Variants in SMIM14 observed in about 807,000 individuals in gnomAD.
The protein encoded by SMIM14 is chromosome 4 open reading frame 34.
A neutral mutation model predicts 12.6 loss-of-function variants in SMIM14; 5 were observed. The observed-to-expected ratio is 0.40, with a 90% CI of 0.21 to 0.83. SMIM14 has a LOEUF of 0.83. Ranked by LOEUF, SMIM14 falls within the 40% of genes least tolerant of loss-of-function variation. The pLI is 0.37. For synonymous variants in SMIM14, 30 were observed against 40.1 expected (o/e 0.75, Z 0.95); for missense variants, 86 against 119.1 (o/e 0.72, Z 1.29).
Position 39,551,257 on chromosome 4 carries a change from C to T in SMIM14, c.*869G>A, listed in dbSNP as rs1711687877. 2.6e-5 allele frequency: 4 copies of T among 152,246 alleles called. No individual in the cohort carries two copies. Among genetic ancestry groups the T allele is most frequent in the Admixed American group, 2.6e-4 (4 of 15,258 alleles). The allele number at this position is 152,246 out of a possible 1,614,324, so 9.4% of individuals were successfully genotyped here. ...AACTGTTAGAACAGAAAAGAAGCTT[C>T]CCAAGAGGCACTCATTTTAAAAATA... is the stretch of plus-strand genomic sequence containing the variant. On this transcript the variant is annotated 3_prime_UTR_variant, in exon 5 of 5. Transcript: ENST00000295958.
chr4:39,636,415 T>A (rs1024401298), intron 1 of SMIM14, among the ~76,000 whole-genome samples: 1 of 152,206 alleles, frequency 6.6e-6, no homozygotes, highest in African/African-American at 2.4e-5. Flanking sequence ...TGCCACACAA[T>A]GCATATTAAT....
chr4:39,595,755 C>T (rs1399690718), intron 2 of SMIM14, among the ~76,000 whole-genome samples: 2 of 151,156 alleles, frequency 1.3e-5, no homozygotes, highest in Admixed American at 6.6e-5. Flanking sequence ...ATTACAGGCA[C>T]GCGTCATCAC....
At chr4:39,561,365 G>A (rs999783831) in intron 3 of SMIM14, among the ~76,000 whole-genome samples, 3 of 151,686 alleles carry the variant, frequency 2.0e-5, no homozygotes, top group Non-Finnish European at 2.9e-5. Context: ...CACTTTGGGA[G>A]GCCAAGGCAG....
chr4:39,625,041 C>A (rs1274027072), intron 1 of SMIM14, among the ~76,000 whole-genome samples: 4 of 149,206 alleles, frequency 2.7e-5, no homozygotes, highest in African/African-American at 9.9e-5. Context: ...CCCATCTCTA[C>A]TAAAGATACA....
At chr4:39,621,319 A>G (rs963044789) in intron 1 of SMIM14, among the ~76,000 whole-genome samples, 1 of 149,444 alleles carries the variant, frequency 6.7e-6, no homozygotes, top group Admixed American at 7.1e-5. Context: ...TAAAAGAGCA[A>G]AAGAATTAGG....
intron 2 of SMIM14, among the ~76,000 whole-genome samples, chr4:39,590,913 C>T (rs539055476): frequency 8.5e-5 from 13 of 152,136 alleles, no homozygotes; most frequent in Non-Finnish European, 1.6e-4. Context: ...GAAAGAGACT[C>T]ACCGTCTATC....
intron 3 of SMIM14, among the ~76,000 whole-genome samples, chr4:39,570,439 G>A (rs1054910490): frequency 2.0e-5 from 3 of 152,118 alleles, no homozygotes; most frequent in Non-Finnish European, 2.9e-5. Context: ...GATTACAGGC[G>A]TGAGCCACCG....
At chr4:39,633,267 C>A (rs979223334) in intron 1 of SMIM14, among the ~76,000 whole-genome samples, 2 of 151,832 alleles carry the variant, frequency 1.3e-5, no homozygotes, top group African/African-American at 4.8e-5. Context: ...GCACTCCAGT[C>A]TGGGCAACAA....
At chr4:39,604,010 CAAA>C (rs755443266) in intron 2 of SMIM14, among the ~76,000 whole-genome samples, 3 of 82,268 alleles carry the variant, frequency 3.6e-5, no homozygotes, top group Non-Finnish European at 5.1e-5. Context: ...GACACTGTCT[CAAA>C]AAAAAAAAAA....
intron 1 of SMIM14, among the ~76,000 whole-genome samples, chr4:39,625,812 G>A (rs1715675204): frequency 6.6e-6 from 1 of 152,244 alleles, no homozygotes; most frequent in South Asian, 2.1e-4. Context: ...TCAAAAGGAA[G>A]AGACTACAGC....
At chr4:39,635,606 A>G (rs997711398) in intron 1 of SMIM14, among the ~76,000 whole-genome samples, 3 of 152,200 alleles carry the variant, frequency 2.0e-5, no homozygotes, top group African/African-American at 7.2e-5. Context: ...AAGCCAAATC[A>G]AAGAAAAAGA....
At chr4:39,559,169 C>G (rs1712164790) in intron 3 of SMIM14, among the ~76,000 whole-genome samples, 1 of 152,146 alleles carries the variant, frequency 6.6e-6, no homozygotes. Context: ...ACAAAGAACT[C>G]AGGGTGATAC....
At chr4:39,571,540 A>G (rs1174445001) in intron 3 of SMIM14, among the ~76,000 whole-genome samples, 1 of 152,054 alleles carries the variant, frequency 6.6e-6, no homozygotes. Flanking sequence ...TGATCGCACA[A>G]TTGCGCTCAG....
At position 39,634,386 on chromosome 4, in the gene SMIM14, ACT is replaced by A. The variant is rs143237214; in HGVS notation, c.-36+4351_-36+4352del. 9.0e-3 allele frequency among the ~76,000 whole-genome samples: 1,375 copies of A among 152,118 alleles called. 17 individuals are homozygous for A. Among genetic ancestry groups the A allele is most frequent in the African/African-American group, 0.031 (1,280 of 41,466 alleles). ...CTTAAAGTACTGAACACAATTCTAA[ACT>A]CTGTAGTTCAGAAGCAGTAGGGTAC... On this transcript the variant is annotated intron_variant, in intron 1 of 4. Coordinates refer to ENST00000295958, the MANE Select transcript of SMIM14 (RefSeq NM_174921.3).
intron 3 of SMIM14, among the ~76,000 whole-genome samples, chr4:39,571,273 T>C (rs1712865530): frequency 6.6e-6 from 1 of 151,932 alleles, no homozygotes; most frequent in African/African-American, 2.4e-5. Context: ...AAGAATGGCC[T>C]CCCCACCAAG....
intron 1 of SMIM14, among the ~76,000 whole-genome samples, chr4:39,618,070 C>T (rs1322299945): frequency 6.6e-6 from 1 of 152,080 alleles, no homozygotes; most frequent in Non-Finnish European, 1.5e-5. Flanking sequence ...GAGAATATTA[C>T]TCCTGCCAAA....
At chr4:39,636,199 A>G (rs923295812) in intron 1 of SMIM14, among the ~76,000 whole-genome samples, 6 of 127,440 alleles carry the variant, frequency 4.7e-5, no homozygotes, top group African/African-American at 1.7e-4. Flanking sequence ...AAAAAAAAAA[A>G]GTGTGACGTG....
At chr4:39,597,987 C>T (rs1468840743) in intron 2 of SMIM14, among the ~76,000 whole-genome samples, 2 of 152,246 alleles carry the variant, frequency 1.3e-5, no homozygotes, top group East Asian at 3.9e-4. Flanking sequence ...ATTCCAAAAC[C>T]AAGTGTTTTT....
chr4:39,609,124 G>A (rs1375880048), intron 1 of SMIM14, among the ~76,000 whole-genome samples: 1 of 151,664 alleles, frequency 6.6e-6, no homozygotes, highest in Non-Finnish European at 1.5e-5. Flanking sequence ...CTACAGGCGC[G>A]TGCCACCATG....
Sources: gnomAD v4.1 joint callset for allele counts (sites outside exome capture counted in the v4.1 genomes callset) on GRCh38, gnomAD v4.1.1 for gene constraint, MANE v1.5 for transcripts, NCBI Gene and HGNC (gene_info 2026-07-23, HGNC 2026-07-21) for gene names.